ULK3: variants seen among roughly 807,000 people sequenced by gnomAD.
ULK3 encodes unc-51 like kinase 3.
Under a neutral mutation model 69.4 loss-of-function variants are expected in ULK3, and 54 were observed. That is an observed-to-expected ratio of 0.78 (90% CI 0.63 to 0.98). The LOEUF is 0.98. ULK3 is among the 50% of genes least tolerant of loss of function. ULK3 has a pLI of 0.00. For synonymous variants in ULK3, 240 were observed against 254.5 expected (o/e 0.94, Z 0.54); for missense variants, 558 against 627.7 (o/e 0.89, Z 1.19).
intron 8 of ULK3, 35 bp from the exon 9 acceptor site, chr15:74,839,085 G>A (rs1304540111): frequency 8.2e-6 from 13 of 1,587,784 alleles, no homozygotes; most frequent in African/African-American, 8.1e-5. Flanking sequence ...GAGTCTGGGC[G>A]AACCCCTCCC....
At chr15:74,839,962 C>T (rs2064185120) in intron 6 of ULK3, among the ~76,000 whole-genome samples, 1 of 152,126 alleles carries the variant, frequency 6.6e-6, no homozygotes, top group South Asian at 2.1e-4. Flanking sequence ...TATTTCCCTC[C>T]CTGGACTATG....
At chr15:74,838,910 G>A (rs1340114627) in intron 9 of ULK3, 100 bp downstream of exon 9, 1 of 1,489,370 alleles carries the variant, frequency 6.7e-7, no homozygotes, top group African/African-American at 1.4e-5. Context: ...TGTTGCAGGA[G>A]AGGAAGTTCC....
Position 74,841,529 on chromosome 15 carries a change from A to G in ULK3, c.365-20T>C. The stretch of plus-strand genomic sequence containing the variant: ...CGCTAGCTGAGGAGCAGGACCCACG[A>G]AGAGAGACAGTTCAGAGCCCATTCC... On this transcript the variant is annotated intron_variant, in intron 3 of 15. Coordinates refer to ENST00000440863, the MANE Select transcript of ULK3 (RefSeq NM_001099436.4). 1 of 1,609,790 alleles carries G rather than the reference A, an allele frequency of 6.2e-7. No homozygotes were observed. Among genetic ancestry groups the G allele is most frequent in the East Asian group, 2.2e-5 (1 of 44,854 alleles).
Position 74,842,672 on chromosome 15 carries a change from A to T in ULK3, c.103-252T>A. On this transcript the variant is annotated intron_variant, in intron 1 of 15. Transcript: ENST00000440863. The surrounding 1 kb of genome is among the most constrained non-coding windows in gnomAD (Gnocchi z 4.9). ...TCGGCTAGCTGATCCATTTCTTTGC[A>T]TTCTGGAGTGCTCCCGGCAGAGGCA... 6.5e-7 allele frequency: 1 copy of T among 1,535,494 alleles called. No individual in the cohort carries two copies. Among genetic ancestry groups the T allele is most frequent in the South Asian group, 1.2e-5 (1 of 84,074 alleles).
Position 74,842,735 on chromosome 15 carries a change from C to A in ULK3, c.102+269G>T. On this transcript the variant is annotated intron_variant, in intron 1 of 15. Transcript: ENST00000440863. The surrounding 1 kb of genome is among the most constrained non-coding windows in gnomAD (Gnocchi z 4.9). ...TTCTAGAACCGCCCACTCTGCCTCC[C>A]AACTGGCTCCAGTCCCAGACTCCTC... 6.6e-7 allele frequency: 1 copy of A among 1,517,982 alleles called. No individual in the cohort carries two copies. Among genetic ancestry groups the A allele is most frequent in the South Asian group, 1.2e-5 (1 of 82,470 alleles). 94.0% of individuals were successfully genotyped at this position (1,517,982 alleles called of 1,614,324 possible).
chr15:74,841,377 C>T (rs2064240078), intron 4 of ULK3, 28 bp downstream of exon 4: 1 of 1,600,290 alleles, frequency 6.2e-7, no homozygotes, highest in Non-Finnish European at 8.6e-7. Flanking sequence ...ACTCTCCAAA[C>T]CTCATCCCTG....
At position 74,842,921 on chromosome 15, in the gene ULK3, C is replaced by T. The variant is rs909909320; in HGVS notation, c.102+83G>A. The T allele has an allele frequency of 7.6e-6, 11 of 1,451,564 alleles. No homozygotes were observed. The African/African-American group carries it at 1.1e-4, about 15-fold the overall frequency. The allele number at this position is 1,451,564 out of a possible 1,614,324, so 89.9% of individuals were successfully genotyped here. On this transcript the variant is annotated intron_variant, in intron 1 of 15. Coordinates refer to ENST00000440863, the MANE Select transcript of ULK3 (RefSeq NM_001099436.4). The surrounding 1 kb of genome is among the most constrained non-coding windows in gnomAD (Gnocchi z 4.9). ...CCTCCCGCCCCTAACTATTCCCACA[C>T]TGTCGCTAACCTCTCAGAGTCTCCC...
intron 15 of ULK3, 41 bp downstream of exon 15, chr15:74,837,327 AC>A: frequency 1.9e-6 from 3 of 1,612,674 alleles, no homozygotes; most frequent in Non-Finnish European, 2.5e-6. Flanking sequence ...CCCAGCCCTC[AC>A]CCCTCCTTGG....
Position 74,843,089 on chromosome 15 carries a change from C to A in ULK3, c.17G>T (p.Trp6Leu). The A allele has an allele frequency of 1.5e-6, 2 of 1,364,452 alleles. No homozygotes were observed. The highest frequency in any genetic ancestry group is 1.9e-6 in the Non-Finnish European group (2 of 1,051,350). 84.5% of individuals were successfully genotyped at this position (1,364,452 alleles called of 1,614,324 possible). ...GAAGCCGTCCAGGCGCGGGGGACCC[C>A]AGCCGGGCCCCGCCATTCCGGCCGC... MAGPGWGPPRLDGFIL... is the reference protein window; with the variant it reads MAGPGLGPPRLDGFIL... Residue 6 changes from tryptophan to leucine, a missense_variant, in exon 1 of 16, where the codon TGG becomes TTG. Transcript: ENST00000440863.
chr15:74,840,164 C>G, intron 6 of ULK3, 70 bp downstream of exon 6: 1 of 1,519,528 alleles, frequency 6.6e-7, no homozygotes, highest in East Asian at 2.4e-5. Context: ...CAGGTCAGAA[C>G]GAGGTCTAAA....
rs1221314018 is a variant in ULK3, at chr15:74,840,249, G to A, written c.681C>T (p.Ser227=). The change falls in exon 6 of 16, where the codon AGC becomes AGT. Residue 227 remains serine, a synonymous_variant. Coordinates refer to ENST00000440863, the MANE Select transcript of ULK3 (RefSeq NM_001099436.4). ...CTAGACACACCTCGATGACCCGGTTGCTACGGATCTTCTCTTCCAGCTCCG... is the reference window on the plus strand; with the variant it reads ...CTAGACACACCTCGATGACCCGGTTACTACGGATCTTCTCTTCCAGCTCCG... ...SFSELEEKIR[S]NRVIELPLRP... 1 of 1,610,242 alleles carries A rather than the reference G, an allele frequency of 6.2e-7. No individual in the cohort carries two copies.
At chr15:74,839,228 C>G in intron 8 of ULK3, 40 bp downstream of exon 8, 1 of 1,547,672 alleles carries the variant, frequency 6.5e-7, no homozygotes. Context: ...ACTCCCATCC[C>G]TGCTGCACCC....
intron 13 of ULK3, 164 bp downstream of exon 13, chr15:74,837,988 T>A (rs759350854): frequency 1.6e-6 from 2 of 1,275,040 alleles, no homozygotes; most frequent in Non-Finnish European, 2.2e-6. Flanking sequence ...GGTTCCCAGA[T>A]CCCCCACTGC....
Position 74,842,226 on chromosome 15 carries a change from G to A in ULK3, c.244-31C>T, listed in dbSNP as rs2064281784. The A allele has an allele frequency of 6.2e-7, 1 of 1,613,854 alleles. No individual in the cohort carries two copies. Among genetic ancestry groups the A allele is most frequent in the African/African-American group, 1.3e-5 (1 of 74,952 alleles). On this transcript the variant is annotated intron_variant, in intron 2 of 15. Transcript: ENST00000440863. This position sits in a 1 kb window ranked among gnomAD's most constrained non-coding sequence, Gnocchi z 4.9. ...TTTAGAGGCAGAGAGGCGGCCTGAAGAGAGTGTCCCTTCTCCAGCTCCCTT... is the reference window on the plus strand; with the variant it reads ...TTTAGAGGCAGAGAGGCGGCCTGAAAAGAGTGTCCCTTCTCCAGCTCCCTT...
At position 74,839,260 on chromosome 15, in the gene ULK3, G is replaced by A. The variant is rs896334849; in HGVS notation, c.958+8C>T. The stretch of plus-strand genomic sequence containing the variant: ...ACCCACGGGCTTCAGGCATGGCCTG[G>A]GACTCACAGTGCAGGGCAGGTACAA... On this transcript the variant is annotated splice_region_variant and intron_variant, in intron 8 of 15. Transcript: ENST00000440863. 6.4e-6 allele frequency: 10 copies of A among 1,554,090 alleles called. No homozygotes were observed. Among genetic ancestry groups the A allele is most frequent in the Non-Finnish European group, 2.6e-6 (3 of 1,148,342 alleles).
chr15:74,838,392 C>CTCCCT (rs2064109529), intron 11 of ULK3, 48 bp from the exon 12 acceptor site: 1 of 1,561,324 alleles, frequency 6.4e-7, no homozygotes, highest in Non-Finnish European at 8.7e-7. Context: ...GCCTGGGTAT[C>CTCCCT]TCCCTGCCCT....
chr15:74,838,913 G>A (rs2064132615), intron 9 of ULK3, 97 bp downstream of exon 9: 1 of 1,497,458 alleles, frequency 6.7e-7, no homozygotes, highest in Non-Finnish European at 9.1e-7. Flanking sequence ...TGCAGGAGAG[G>A]AAGTTCCAAT....
In ULK3 at chr15:74,843,128, G is replaced by T; in HGVS notation, c.-23C>A. 8.0e-7 allele frequency: 1 copy of T among 1,253,626 alleles called. No homozygotes were observed. The highest frequency in any genetic ancestry group is 1.0e-6 in the Non-Finnish European group (1 of 993,782). 77.7% of individuals were successfully genotyped at this position (1,253,626 alleles called of 1,614,324 possible). A position where few individuals can be genotyped will look rare whatever the true frequency, so the allele number is the denominator to read the frequency against. ...CATTCCGGCCGCCTGCGCCCGCGCG[G>T]GCGCTTCCTCGCTGCGGGCGGCGGT... is the stretch of plus-strand genomic sequence containing the variant. On this transcript the variant is annotated 5_prime_UTR_variant, in exon 1 of 16. Coordinates refer to ENST00000440863, the MANE Select transcript of ULK3 (RefSeq NM_001099436.4).
rs1273609041 is a variant in ULK3 at position 74,840,481 on chromosome 15, G to A, written c.613+17C>T. On this transcript the variant is annotated intron_variant, in intron 5 of 15. Transcript: ENST00000440863. ...ACTGTAGGCCTCAGGGTGAGAAGCA[G>A]GGAAAAGAGGTCTCACCATACAGGA... The A allele has an allele frequency of 1.9e-6, 3 of 1,598,678 alleles. No individual in the cohort carries two copies. The highest frequency in any genetic ancestry group is 3.5e-5 in the Admixed American group (2 of 57,638).
Sources: allele counts gnomAD v4.1 joint callset (sites outside exome capture counted in the v4.1 genomes callset), GRCh38; gene constraint gnomAD v4.1.1; non-coding constraint Gnocchi (gnomAD v3.1); transcripts MANE v1.5; gene names NCBI Gene and HGNC (gene_info 2026-07-23, HGNC 2026-07-21).